The following KLHL26 variants were observed in gnomAD, a reference collection of about 807,000 sequenced individuals.
KLHL26 encodes kelch-like protein 26.
KLHL26 carries 4 observed loss-of-function variants against 7.1 expected under a neutral mutation model. The observed-to-expected ratio is 0.56, with a 90% CI of 0.28 to 1.28. KLHL26 has a LOEUF of 1.28. Ranked by LOEUF, KLHL26 falls within the 50% of genes most tolerant of loss-of-function variation. The pLI is 0.11. For synonymous variants in KLHL26, 465 were observed against 414.1 expected (o/e 1.12, Z -1.49); for missense variants, 896 against 924.6 (o/e 0.97, Z 0.40).
At chr19:18,661,552 T>C (rs549600554) in intron 1 of KLHL26, among the ~76,000 whole-genome samples, 85 of 152,278 alleles carry the variant, frequency 5.6e-4, no homozygotes, top group African/African-American at 2.0e-3. Flanking sequence ...ATCCCCTGCA[T>C]GCAACATCTT....
At position 18,648,074 on chromosome 19, in the gene KLHL26, G is replaced by A. The variant is rs948914456; in HGVS notation, c.83+10937G>A. Among the ~76,000 whole-genome samples, 4 of 152,180 alleles carry A rather than the reference G, an allele frequency of 2.6e-5. No individual in the cohort carries two copies. Among genetic ancestry groups the A allele is most frequent in the Non-Finnish European group, 4.4e-5 (3 of 68,028 alleles). On this transcript the variant is annotated intron_variant, in intron 1 of 2. Coordinates refer to ENST00000300976, the MANE Select transcript of KLHL26 (RefSeq NM_018316.3). This position sits in a 1 kb window ranked among gnomAD's most constrained non-coding sequence, Gnocchi z 4.9. ...TATCAGTCAGCCTCCTGTTTTGAAA[G>A]GATCCCTCTGTAGGCCGGGTGTGGT...
intron 1 of KLHL26, among the ~76,000 whole-genome samples, chr19:18,647,963 C>G (rs939269021): frequency 1.3e-5 from 2 of 152,190 alleles, no homozygotes; most frequent in African/African-American, 4.8e-5. Flanking sequence ...GGGGCGCATA[C>G]ATGCCAGCAG....
chr19:18,654,983 C>T (rs1344975813), intron 1 of KLHL26, among the ~76,000 whole-genome samples: 2 of 152,252 alleles, frequency 1.3e-5, no homozygotes, highest in Non-Finnish European at 2.9e-5. Flanking sequence ...GCCTGCTCGG[C>T]TTCCATGGGG....
intron 1 of KLHL26, among the ~76,000 whole-genome samples, chr19:18,643,171 G>A (rs1182941712): frequency 5.9e-5 from 9 of 151,898 alleles, no homozygotes; most frequent in African/African-American, 9.7e-5. Context: ...TGGGCCGGGC[G>A]CGGTGGCTCA....
chr19:18,647,918 A>C lies in KLHL26; in HGVS notation c.83+10781A>C, dbSNP rs554948695. On this transcript the variant is annotated intron_variant, in intron 1 of 2. Transcript: ENST00000300976. ...GTCCACCCCATGCCTGGTGCTGGAC[A>C]TGAAGGGTCCATGGGACAGATGGAC... 2.0e-5 allele frequency among the ~76,000 whole-genome samples: 3 copies of C among 152,182 alleles called. No homozygotes were observed. In the South Asian group the frequency reaches 6.2e-4, roughly 31 times the overall value.
Position 18,667,722 on chromosome 19 carries a change from G to T in KLHL26, c.325G>T (p.Val109Leu). 1.2e-6 allele frequency: 2 copies of T among 1,613,140 alleles called. No homozygotes were observed. Among genetic ancestry groups the T allele is most frequent in the Non-Finnish European group, 1.7e-6 (2 of 1,179,978 alleles). Reference sequence around the variant, plus strand: ...CCAGGACGTCATCGAGCTGAAGGGCGTGTCGGCCCGTGGCCTGCGGCACAT... The same window carrying T: ...CCAGGACGTCATCGAGCTGAAGGGCTTGTCGGCCCGTGGCCTGCGGCACAT... The part of the protein sequence containing the change: ...ASQDVIELKG[V>L]SARGLRHIID... The change falls in exon 3 of 3, where the codon GTG (valine) becomes TTG (leucine). Residue 109 changes from valine to leucine, a missense_variant. By Grantham distance (32) the Val-to-Leu change is conservative. Coordinates refer to ENST00000300976, the MANE Select transcript of KLHL26 (RefSeq NM_018316.3).
rs1354933271 is a variant in KLHL26 at position 18,669,087 on chromosome 19, G to C, written c.1690G>C (p.Val564Leu). Reference sequence around the variant, plus strand: ...CCTGCTGGAGAGGAAGATCTACATCGTCGGGGGCTACAACTGGCGTCTCAA... The same window carrying C: ...CCTGCTGGAGAGGAAGATCTACATCCTCGGGGGCTACAACTGGCGTCTCAA... ...CCLLERKIYI[V>L]GGYNWRLNNV... Residue 564 changes from valine (V) to leucine (L), a missense_variant, in exon 3 of 3, where the codon GTC becomes CTC. Val to Leu is a conservative substitution (Grantham distance 32). Coordinates refer to ENST00000300976, the MANE Select transcript of KLHL26 (RefSeq NM_018316.3). 4 of 1,612,802 alleles carry C rather than the reference G, an allele frequency of 2.5e-6. No individual in the cohort carries two copies. The African/African-American group carries it at 4.0e-5, about 16-fold the overall frequency.
At position 18,646,824 on chromosome 19, in the gene KLHL26, AGACAGTAGTGCCAT is replaced by A. The variant is rs1976810551; in HGVS notation, c.83+9691_83+9704del. 6.6e-6 allele frequency among the ~76,000 whole-genome samples: 1 copy of A among 152,232 alleles called. No homozygotes were observed. The highest frequency in any genetic ancestry group is 2.4e-5 in the African/African-American group (1 of 41,464). ...AGAGGGTGAACTTGAGCCATTGGGAAGACAGTAGTGCCATGACTTGGGCCGTAAGAGGGACAGCA... is the reference window on the plus strand; with the variant it reads ...AGAGGGTGAACTTGAGCCATTGGGAAGACTTGGGCCGTAAGAGGGACAGCA... On this transcript the variant is annotated intron_variant, in intron 1 of 2. Transcript: ENST00000300976. This position sits in a 1 kb window ranked among gnomAD's most constrained non-coding sequence, Gnocchi z 5.0.
chr19:18,664,578 C>A, intron 2 of KLHL26, 135 bp downstream of exon 2: 1 of 624,382 alleles, frequency 1.6e-6, no homozygotes. Flanking sequence ...CGGCTGGTAC[C>A]GGCTGCTCTT....
chr19:18,668,187 A>G lies in KLHL26; in HGVS notation c.790A>G (p.Ser264Gly), dbSNP rs1019937400. Residue 264 changes from serine (S) to glycine (G), a missense_variant, in exon 3 of 3, where the codon AGC (serine) becomes GGC (glycine). By Grantham distance (56) the Ser-to-Gly change is moderately conservative. Coordinates refer to ENST00000300976, the MANE Select transcript of KLHL26 (RefSeq NM_018316.3). ...PLMQSSELVDSVQTLDIMVED... is the reference protein window; with the variant it reads ...PLMQSSELVDGVQTLDIMVED... Reference sequence around the variant, plus strand: ...CATGCAGTCGTCCGAGCTGGTGGACAGCGTGCAGACGCTGGACATCATGGT... The same window carrying G: ...CATGCAGTCGTCCGAGCTGGTGGACGGCGTGCAGACGCTGGACATCATGGT... 1.2e-6 allele frequency: 2 copies of G among 1,611,076 alleles called. No individual in the cohort carries two copies. Among genetic ancestry groups the G allele is most frequent in the African/African-American group, 2.7e-5 (2 of 74,910 alleles).
chr19:18,665,549 TG>T (rs1403843032), intron 2 of KLHL26, among the ~76,000 whole-genome samples: 5 of 152,214 alleles, frequency 3.3e-5, no homozygotes, highest in African/African-American at 1.2e-4. Flanking sequence ...CACCATGTCC[TG>T]GGCTCTGTCT....
In KLHL26 at chr19:18,650,231, A is replaced by T. The variant is rs1976881853; in HGVS notation, c.83+13094A>T. On this transcript the variant is annotated intron_variant, in intron 1 of 2. Transcript: ENST00000300976. The surrounding 1 kb of genome is among the most constrained non-coding windows in gnomAD (Gnocchi z 4.2). Reference sequence around the variant, plus strand: ...GGATATCCGGAGAGTTCTGCTCTCCACGGGATGTTAGAATTTGAGGCAGTC... The same window carrying T: ...GGATATCCGGAGAGTTCTGCTCTCCTCGGGATGTTAGAATTTGAGGCAGTC... Among the ~76,000 whole-genome samples the T allele has an allele frequency of 6.6e-6, 1 of 152,190 alleles. No individual in the cohort carries two copies. The highest frequency in any genetic ancestry group is 2.4e-5 in the African/African-American group (1 of 41,454).
intron 1 of KLHL26, among the ~76,000 whole-genome samples, chr19:18,659,343 A>G (rs948997144): frequency 2.6e-5 from 4 of 152,224 alleles, no homozygotes; most frequent in African/African-American, 9.6e-5. Flanking sequence ...CCTGAAGTAC[A>G]GCCTCTTCCC....
Position 18,664,132 on chromosome 19 carries a change from A to G in KLHL26, c.84-129A>G, listed in dbSNP as rs894368750. ...CTCTGCGGATTTGCCTGTTCTGGGC[A>G]TTTCACGTCAGTGGAGTCATACACA... On this transcript the variant is annotated intron_variant, in intron 1 of 2. Transcript: ENST00000300976. 1.7e-5 allele frequency: 10 copies of G among 583,764 alleles called. No homozygotes were observed. The African/African-American group carries it at 2.1e-4, about 12-fold the overall frequency. 36.2% of individuals were successfully genotyped at this position (583,764 alleles called of 1,614,324 possible).
intron 1 of KLHL26, among the ~76,000 whole-genome samples, chr19:18,638,624 G>A (rs540373680): frequency 6.6e-6 from 1 of 152,358 alleles, no homozygotes; most frequent in South Asian, 2.1e-4. Context: ...AAGGGACAGG[G>A]AAGAGGGACA....
Position 18,669,645 on chromosome 19 carries a change from T to A in KLHL26, c.*400T>A. 1 of 376,580 alleles carries A rather than the reference T, an allele frequency of 2.7e-6. No homozygotes were observed. The highest frequency in any genetic ancestry group is 4.8e-6 in the Non-Finnish European group (1 of 209,110). 23.3% of individuals were successfully genotyped at this position (376,580 alleles called of 1,614,324 possible). ...CATTCAGATGTGAGCTCATCAACATTGAACCCAAAGTCGGTGGTATATGAC... is the reference window on the plus strand; with the variant it reads ...CATTCAGATGTGAGCTCATCAACATAGAACCCAAAGTCGGTGGTATATGAC... On this transcript the variant is annotated 3_prime_UTR_variant, in exon 3 of 3. Coordinates refer to ENST00000300976, the MANE Select transcript of KLHL26 (RefSeq NM_018316.3).
At chr19:18,651,562 A>T (rs1174419503) in intron 1 of KLHL26, among the ~76,000 whole-genome samples, 2 of 152,234 alleles carry the variant, frequency 1.3e-5, no homozygotes, top group African/African-American at 4.8e-5. Context: ...ACCCCCTCTG[A>T]TGCTGAAATT....
intron 2 of KLHL26, among the ~76,000 whole-genome samples, chr19:18,664,757 G>T (rs1380822027): frequency 6.6e-6 from 1 of 151,574 alleles, no homozygotes; most frequent in Non-Finnish European, 1.5e-5. Flanking sequence ...AATTTTTTTT[G>T]TATTTTTTAG....
Position 18,637,045 on chromosome 19 carries a change from C to A in KLHL26, c.-10C>A. 7.5e-7 allele frequency: 1 copy of A among 1,337,674 alleles called. No individual in the cohort carries two copies. The highest frequency in any genetic ancestry group is 1.8e-5 in the South Asian group (1 of 55,322). The allele number at this position is 1,337,674 out of a possible 1,614,324, so 82.9% of individuals were successfully genotyped here. ...CTCCCGTCACTCGAACGCGCGACGG[C>A]GGGGGGAAGATGGCGGAGTCCGGCG... On this transcript the variant is annotated 5_prime_UTR_variant, in exon 1 of 3. Transcript: ENST00000300976.
Sources: gnomAD v4.1 joint callset for allele counts (sites outside exome capture counted in the v4.1 genomes callset) on GRCh38, gnomAD v4.1.1 for gene constraint, Gnocchi (gnomAD v3.1) non-coding constraint, MANE v1.5 for transcripts, NCBI Gene and HGNC (gene_info 2026-07-23, HGNC 2026-07-21) for gene names.